The following EPS15 variants were observed in gnomAD, a reference collection of about 807,000 sequenced individuals.
The protein encoded by EPS15 is epidermal growth factor receptor substrate 15.
Under a neutral mutation model 113.8 loss-of-function variants are expected in EPS15, and 72 were observed. That is an observed-to-expected ratio of 0.63 (90% CI 0.52 to 0.77). The LOEUF (loss-of-function observed/expected upper bound fraction) is 0.77, where lower values mean the gene tolerates loss of function less well. Among genes scored for constraint, EPS15 ranks in the 30% least tolerant of loss-of-function variants. EPS15 has a pLI of 0.00. For synonymous variants in EPS15, 344 were observed against 363.4 expected, an observed-to-expected ratio of 0.95 and a Z score of 0.61; for missense variants, 1,048 against 1,045.8, an observed-to-expected ratio of 1.00 and a Z score of -0.03.
At chr1:51,424,922 T>TA (rs1181622316) in intron 12 of EPS15, among the ~76,000 whole-genome samples, 4 of 151,056 alleles carry the variant, frequency 2.6e-5, no homozygotes, top group African/African-American at 9.7e-5. Flanking sequence ...TAAAATAAAA[T>TA]AAAAAAAGGT....
intron 12 of EPS15, among the ~76,000 whole-genome samples, chr1:51,433,018 G>C (rs1651856615): frequency 6.6e-6 from 1 of 152,080 alleles, no homozygotes; most frequent in African/African-American, 2.4e-5. Context: ...CAGACATAAT[G>C]GTTTCTAATG....
At chr1:51,426,352 A>C (rs952684845) in intron 12 of EPS15, among the ~76,000 whole-genome samples, 2 of 149,304 alleles carry the variant, frequency 1.3e-5, no homozygotes, top group African/African-American at 5.0e-5. Flanking sequence ...GATTAATTCA[A>C]GAATGAGCCT....
intron 12 of EPS15, chr1:51,423,466 A>G (rs1185782995): frequency 2.0e-6 from 2 of 985,274 alleles, no homozygotes; most frequent in Non-Finnish European, 2.4e-6. Context: ...TGAGCAGATG[A>G]ATGTTTTCAG....
At chr1:51,485,296 G>A (rs1644100422) in intron 1 of EPS15, among the ~76,000 whole-genome samples, 2 of 152,186 alleles carry the variant, frequency 1.3e-5, no homozygotes, top group Admixed American at 1.3e-4. Context: ...ACCTGTCATC[G>A]GACTTCCGAG....
chr1:51,472,188 C>T (rs1655291019), intron 3 of EPS15, among the ~76,000 whole-genome samples: 1 of 152,086 alleles, frequency 6.6e-6, no homozygotes, highest in Non-Finnish European at 1.5e-5. Flanking sequence ...AGCTCAAGAA[C>T]ATTCAAGGCA....
chr1:51,395,391 C>T (rs1399223711), intron 20 of EPS15, among the ~76,000 whole-genome samples: 1 of 152,142 alleles, frequency 6.6e-6, no homozygotes, highest in Non-Finnish European at 1.5e-5. Context: ...AGAATGCACA[C>T]ACTATTTTAA....
At chr1:51,509,176 G>A (rs1040670738) in intron 1 of EPS15, among the ~76,000 whole-genome samples, 5 of 151,996 alleles carry the variant, frequency 3.3e-5, no homozygotes, top group Non-Finnish European at 7.4e-5. Context: ...CACACAGGAG[G>A]CATCTAGTAA....
chr1:51,419,971 T>C (rs1650593958), intron 13 of EPS15, among the ~76,000 whole-genome samples: 1 of 152,164 alleles, frequency 6.6e-6, no homozygotes, highest in Non-Finnish European at 1.5e-5. Flanking sequence ...TAGTGTATAA[T>C]GAATAAATAA....
In EPS15 at chr1:51,400,712, CAAAAA is replaced by C. The variant is rs375748381; in HGVS notation, c.1918+201_1918+205del. On this transcript the variant is annotated intron_variant, in intron 19 of 24. Coordinates refer to ENST00000371733, the MANE Select transcript of EPS15 (RefSeq NM_001981.3). Reference sequence around the variant, plus strand: ...ACCCTGTCTCAAAAACAAAAAACACCAAAAAAAAAAAAAAAAAAAAAAAGAAGAAG... The same window carrying C: ...ACCCTGTCTCAAAAACAAAAAACACCAAAAAAAAAAAAAAAAAAGAAGAAG... Among the ~76,000 whole-genome samples the C allele has an allele frequency of 9.6e-3, 578 of 60,200 alleles. 9 individuals carry two copies. Among genetic ancestry groups the C allele is most frequent in the African/African-American group, 0.035 (531 of 15,376 alleles). The allele number at this position is 60,200 out of a possible 152,430, so 39.5% of individuals were successfully genotyped here.
chr1:51,401,016 T>A, intron 18 of EPS15, 63 bp from the exon 19 acceptor site: 1 of 1,059,060 alleles, frequency 9.4e-7, no homozygotes, highest in Non-Finnish European at 1.4e-6. Context: ...CACCACTACT[T>A]AAAGAGTAAC....
chr1:51,488,877 G>A (rs1644175975), intron 1 of EPS15, among the ~76,000 whole-genome samples: 1 of 152,132 alleles, frequency 6.6e-6, no homozygotes, highest in South Asian at 2.1e-4. Context: ...CCGAGGATGT[G>A]CATCTAAAGA....
At chr1:51,358,852 C>T (rs762867427) in intron 24 of EPS15, among the ~76,000 whole-genome samples, 3 of 151,578 alleles carry the variant, frequency 2.0e-5, no homozygotes, top group Non-Finnish European at 2.9e-5. Flanking sequence ...TACAGGCATG[C>T]GCCACCATGC....
chr1:51,514,374 T>A (rs2148570278), intron 1 of EPS15, among the ~76,000 whole-genome samples: 1 of 151,896 alleles, frequency 6.6e-6, no homozygotes, highest in South Asian at 2.1e-4. Flanking sequence ...GATTTTTTTT[T>A]TAAAAACTTT....
At chr1:51,406,173 G>T (rs1018473068) in intron 15 of EPS15, 65 bp from the exon 16 acceptor site, 3 of 1,381,940 alleles carry the variant, frequency 2.2e-6, no homozygotes, top group African/African-American at 2.9e-5. Context: ...ACATAAAAAC[G>T]CCCTCCTCCA....
intron 10 of EPS15, among the ~76,000 whole-genome samples, chr1:51,446,663 C>G (rs1406118864): frequency 6.6e-6 from 1 of 152,076 alleles, no homozygotes; most frequent in Non-Finnish European, 1.5e-5. Flanking sequence ...CCATGTTGGC[C>G]AAGCTGGTCT....
intron 8 of EPS15, among the ~76,000 whole-genome samples, chr1:51,454,131 A>C (rs1653802388): frequency 6.6e-6 from 1 of 152,008 alleles, no homozygotes; most frequent in African/African-American, 2.4e-5. Flanking sequence ...GTAAACAGTT[A>C]ATTTTAATAC....
At chr1:51,519,140 G>A in intron 1 of EPS15, 59 bp downstream of exon 1, 1 of 1,251,464 alleles carries the variant, frequency 8.0e-7, no homozygotes, top group Non-Finnish European at 1.1e-6. Flanking sequence ...GCGAAGCTGA[G>A]GGCGGTGGGG....
intron 8 of EPS15, chr1:51,457,404 G>A (rs1307536068): frequency 6.6e-6 from 1 of 151,788 alleles, no homozygotes; most frequent in Non-Finnish European, 1.5e-5. Context: ...TTCAACATAG[G>A]AGAAATAAGT....
intron 12 of EPS15, among the ~76,000 whole-genome samples, chr1:51,422,477 G>C (rs1220334579): frequency 6.6e-6 from 1 of 152,142 alleles, no homozygotes; most frequent in Non-Finnish European, 1.5e-5. Flanking sequence ...TATACAAACA[G>C]TATATATAAA....
Sources: gnomAD v4.1 joint callset for allele counts (sites outside exome capture counted in the v4.1 genomes callset) on GRCh38, gnomAD v4.1.1 for gene constraint, MANE v1.5 for transcripts, NCBI Gene and HGNC (gene_info 2026-07-23, HGNC 2026-07-21) for gene names.